The following NTRK3 variants were observed in gnomAD, a reference collection of about 807,000 sequenced individuals.
The protein encoded by NTRK3 is NT-3 growth factor receptor.
Under a neutral mutation model 91.7 loss-of-function variants are expected in NTRK3, and 24 were observed. The ratio of observed to expected loss-of-function variants is 0.26; its 90% CI spans 0.19 to 0.37. The LOEUF (loss-of-function observed/expected upper bound fraction) is 0.37. NTRK3 is among the 10% of genes least tolerant of loss of function. The pLI is 1.00. For missense variants in NTRK3, 880 were observed against 1,068.9 expected, an observed-to-expected ratio of 0.82 and a Z score of 2.46; for synonymous variants, 483 against 404.0, an observed-to-expected ratio of 1.20 and a Z score of -2.34.
At chr15:87,911,039 G>T (rs2067061950) in intron 17 of NTRK3, among the ~76,000 whole-genome samples, 1 of 152,260 alleles carries the variant, frequency 6.6e-6, no homozygotes, top group South Asian at 2.1e-4. Context: ...GTCAAATGAA[G>T]ATTTTTCTTT....
At chr15:87,982,201 C>A (rs1390195521) in intron 14 of NTRK3, among the ~76,000 whole-genome samples, 5 of 152,176 alleles carry the variant, frequency 3.3e-5, no homozygotes, top group Non-Finnish European at 5.9e-5. Flanking sequence ...CAGGTGGAGT[C>A]TTTCCAAGAT....
intron 14 of NTRK3, among the ~76,000 whole-genome samples, chr15:87,984,027 G>A (rs1281597831): frequency 3.9e-5 from 6 of 152,108 alleles, no homozygotes; most frequent in Non-Finnish European, 8.8e-5. Context: ...AACTCTGTCT[G>A]GTCACGGACC....
intron 13 of NTRK3, among the ~76,000 whole-genome samples, chr15:88,123,460 A>G (rs938379916): frequency 6.6e-6 from 1 of 152,220 alleles, no homozygotes; most frequent in Non-Finnish European, 1.5e-5. Flanking sequence ...GCTGGCAATA[A>G]AAGATCAAAG....
chr15:87,981,215 A>C (rs2074237529), intron 14 of NTRK3: 1 of 1,568,608 alleles, frequency 6.4e-7, no homozygotes, highest in Non-Finnish European at 8.6e-7. Context: ...ACGTCAAAGG[A>C]GGTAACTCAC....
chr15:88,073,857 A>C (rs1217772442), intron 13 of NTRK3, among the ~76,000 whole-genome samples: 1 of 150,942 alleles, frequency 6.6e-6, no homozygotes, highest in Admixed American at 6.6e-5. Flanking sequence ...ATGGGGGAAG[A>C]CTGAGAAAAA....
intron 13 of NTRK3, among the ~76,000 whole-genome samples, chr15:88,036,076 T>C (rs56165812): frequency 0.011 from 1,615 of 152,126 alleles, 15 homozygotes; most frequent in South Asian, 0.035. Flanking sequence ...AAAATGAATA[T>C]GAACAGAAGA....
intron 5 of NTRK3, among the ~76,000 whole-genome samples, chr15:88,159,439 C>G (rs1454847180): frequency 6.6e-6 from 1 of 152,132 alleles, no homozygotes; most frequent in Admixed American, 6.5e-5. Flanking sequence ...ACCAGGCCTC[C>G]TGAGTTTCTG....
intron 14 of NTRK3, among the ~76,000 whole-genome samples, chr15:87,957,692 T>G (rs2071815429): frequency 6.6e-6 from 1 of 152,224 alleles, no homozygotes; most frequent in Admixed American, 6.5e-5. Context: ...GGTGACAGAC[T>G]TCACAGAAGT....
At chr15:87,881,742 G>A (rs946468356) in intron 17 of NTRK3, among the ~76,000 whole-genome samples, 36 of 151,976 alleles carry the variant, frequency 2.4e-4, no homozygotes, top group African/African-American at 8.7e-4. Context: ...TCTATGGGGG[G>A]TCAGTTAGAG....
At chr15:87,885,140 T>C (rs1281731802) in intron 17 of NTRK3, among the ~76,000 whole-genome samples, 1 of 151,762 alleles carries the variant, frequency 6.6e-6, no homozygotes, top group African/African-American at 2.4e-5. Context: ...CAAAATACAA[T>C]GGAAAATAAG....
chr15:87,946,351 G>A (rs1454154102), intron 14 of NTRK3: 2 of 152,212 alleles, frequency 1.3e-5, no homozygotes, highest in Admixed American at 1.3e-4. Flanking sequence ...CGATTTCCCA[G>A]GGTCGGTGGT....
intron 13 of NTRK3, among the ~76,000 whole-genome samples, chr15:88,036,210 A>G (rs1376544128): frequency 6.6e-6 from 1 of 152,118 alleles, no homozygotes; most frequent in Non-Finnish European, 1.5e-5. Flanking sequence ...ACACACACAC[A>G]CGTATATCAA....
intron 15 of NTRK3, among the ~76,000 whole-genome samples, chr15:87,937,117 C>T (rs1399404851): frequency 6.6e-6 from 1 of 152,174 alleles, no homozygotes; most frequent in Admixed American, 6.5e-5. Flanking sequence ...CCCAGATTAG[C>T]TGGCACTCCT....
At chr15:88,053,308 G>C (rs2142325966) in intron 13 of NTRK3, among the ~76,000 whole-genome samples, 1 of 152,336 alleles carries the variant, frequency 6.6e-6, no homozygotes, top group South Asian at 2.1e-4. Context: ...CTGTCCCACA[G>C]TCAGTGTGTG....
In NTRK3 at chr15:88,010,540, C is replaced by CT. The variant is rs200052036; in HGVS notation, c.1585+22316dup. Among the ~76,000 whole-genome samples, 374 of 150,572 alleles carry CT rather than the reference C, an allele frequency of 2.5e-3. 2 individuals are homozygous for CT. The highest frequency in any genetic ancestry group is 6.3e-3 in the East Asian group (32 of 5,116). On this transcript the variant is annotated intron_variant, in intron 14 of 18. Coordinates refer to ENST00000394480, the Ensembl canonical transcript of NTRK3. ...AAAGGATGGGAAGAATGAAACTATG[C>CT]TTTTTTTTTGGCAAATGATGAATAA...
At chr15:87,936,163 A>T (rs982635877) in intron 15 of NTRK3, among the ~76,000 whole-genome samples, 18 of 152,214 alleles carry the variant, frequency 1.2e-4, no homozygotes, top group Non-Finnish European at 2.4e-4. Flanking sequence ...GGCATGGGAA[A>T]GAACCGATTT....
chr15:88,015,842 G>A (rs143332354), intron 14 of NTRK3, among the ~76,000 whole-genome samples: 158 of 152,172 alleles, frequency 1.0e-3, no homozygotes, highest in Non-Finnish European at 1.8e-3. Flanking sequence ...AATGAAGAAC[G>A]AAGGAATGCA....
chr15:87,941,351 C>T (rs1276391223), intron 14 of NTRK3, among the ~76,000 whole-genome samples: 4 of 152,156 alleles, frequency 2.6e-5, no homozygotes, highest in Non-Finnish European at 5.9e-5. Context: ...ACAAGAACAA[C>T]TTCCTTGCTG....
At chr15:88,246,889 GAA>G (rs2052880778) in intron 3 of NTRK3, among the ~76,000 whole-genome samples, 1 of 152,182 alleles carries the variant, frequency 6.6e-6, no homozygotes, top group African/African-American at 2.4e-5. Context: ...GAAATGCTCT[GAA>G]AGCCAGGGCT....
Sources: gnomAD v4.1 joint callset for allele counts (sites outside exome capture counted in the v4.1 genomes callset) on GRCh38, gnomAD v4.1.1 for gene constraint, MANE v1.5 for transcripts, NCBI Gene and HGNC (gene_info 2026-07-23, HGNC 2026-07-21) for gene names.